GRIK2: variants seen among roughly 807,000 people sequenced by gnomAD.
GRIK2 encodes the protein glutamate ionotropic receptor kainate type subunit 2, also known as glutamate receptor ionotropic, kainate 2.
Under a neutral mutation model 100.3 loss-of-function variants are expected in GRIK2, and 32 were observed. That is an observed-to-expected ratio of 0.32 (90% confidence interval 0.24 to 0.43). The LOEUF (loss-of-function observed/expected upper bound fraction) is 0.43. GRIK2 is among the 20% of genes least tolerant of loss of function. GRIK2 has a pLI of 1.00. For synonymous variants in GRIK2, 417 were observed against 389.4 expected, an observed-to-expected ratio of 1.07 and a Z score of -0.83; for missense variants, 843 against 1,114.9, an observed-to-expected ratio of 0.76 and a Z score of 3.47.
chr6:101,877,646 A>G (rs1785950923), intron 11 of GRIK2, among the ~76,000 whole-genome samples: 1 of 151,996 alleles, frequency 6.6e-6, no homozygotes, highest in Admixed American at 6.6e-5. Flanking sequence ...TGAGTACAAA[A>G]TAAGTATTTG....
At chr6:101,408,045 G>T (rs563466968) in intron 2 of GRIK2, among the ~76,000 whole-genome samples, 1 of 152,082 alleles carries the variant, frequency 6.6e-6, no homozygotes, top group Non-Finnish European at 1.5e-5. Context: ...CACTGAAGGG[G>T]CATAGATAAG....
At chr6:101,525,735 A>G (rs1775118140) in intron 2 of GRIK2, among the ~76,000 whole-genome samples, 1 of 152,204 alleles carries the variant, frequency 6.6e-6, no homozygotes, top group Non-Finnish European at 1.5e-5. Context: ...TTCGCTGTGA[A>G]TTTCAAACAT....
intron 2 of GRIK2, among the ~76,000 whole-genome samples, chr6:101,529,794 G>A (rs1775336900): frequency 6.6e-6 from 1 of 152,084 alleles, no homozygotes; most frequent in Non-Finnish European, 1.5e-5. Context: ...AAGAAGGATG[G>A]AGATTATTTC....
intron 16 of GRIK2, among the ~76,000 whole-genome samples, chr6:102,057,111 G>T (rs1179103927): frequency 6.6e-6 from 1 of 151,908 alleles, no homozygotes; most frequent in East Asian, 1.9e-4. Flanking sequence ...TATCATTTCA[G>T]GTTTAATTTG....
intron 4 of GRIK2, among the ~76,000 whole-genome samples, chr6:101,654,078 T>C (rs1376057201): frequency 6.6e-6 from 1 of 152,212 alleles, no homozygotes; most frequent in African/African-American, 2.4e-5. Context: ...TAGGATAGCA[T>C]CTACTTCACA....
chr6:101,872,635 T>A (rs531526524), intron 11 of GRIK2, among the ~76,000 whole-genome samples: 1 of 151,952 alleles, frequency 6.6e-6, no homozygotes, highest in South Asian at 2.1e-4. Context: ...CTTTGTAGGT[T>A]CAAATGAGCA....
intron 14 of GRIK2, among the ~76,000 whole-genome samples, chr6:102,011,577 C>CTTTTTTTTTTTTTTTT (rs763369559): frequency 1.3e-5 from 1 of 76,650 alleles, no homozygotes; most frequent in African/African-American, 6.1e-5. Flanking sequence ...CTTTCTTTTC[C>CTTTTTTTTTTTTTTTT]TTTTTTTTTT....
chr6:101,538,546 T>A (rs1354574444), intron 2 of GRIK2, among the ~76,000 whole-genome samples: 22 of 151,662 alleles, frequency 1.5e-4, no homozygotes, highest in Admixed American at 1.5e-3. Context: ...CCTGAGCTCA[T>A]AATTAAGACT....
At position 101,490,084 on chromosome 6, in the gene GRIK2, A is replaced by G. The variant is rs149221352; in HGVS notation, c.115+90692A>G. ...AGTCTCATAAAAAGACACAGAGGAT[A>G]CAGCATGGTCTTTATTTACAACAAT... On this transcript the variant is annotated intron_variant, in intron 2 of 16. Coordinates refer to ENST00000369134, the MANE Select transcript of GRIK2 (RefSeq NM_021956.5). Among the ~76,000 whole-genome samples the G allele has an allele frequency of 2.1e-3, 306 of 146,622 alleles. 41 individuals are homozygous for G. The highest frequency in any genetic ancestry group is 7.6e-3 in the African/African-American group (295 of 38,644).
At chr6:101,903,931 T>A (rs1788047735) in intron 12 of GRIK2, among the ~76,000 whole-genome samples, 1 of 151,582 alleles carries the variant, frequency 6.6e-6, no homozygotes, top group Non-Finnish European at 1.5e-5. Flanking sequence ...TCAAATAAGG[T>A]CAGGAGAACT....
chr6:101,496,006 C>T (rs930456679), intron 2 of GRIK2, among the ~76,000 whole-genome samples: 3 of 152,026 alleles, frequency 2.0e-5, no homozygotes, highest in South Asian at 2.1e-4. Flanking sequence ...AGTGCAGTGG[C>T]GCTATGTTGG....
chr6:102,042,815 C>T (rs369837313), intron 15 of GRIK2, among the ~76,000 whole-genome samples: 6 of 151,720 alleles, frequency 4.0e-5, no homozygotes, highest in African/African-American at 9.6e-5. Flanking sequence ...TATTTTCATA[C>T]TTAGTGTCAG....
chr6:101,972,843 A>G (rs1352581442), intron 14 of GRIK2, among the ~76,000 whole-genome samples: 1 of 151,844 alleles, frequency 6.6e-6, no homozygotes, highest in African/African-American at 2.4e-5. Flanking sequence ...TTTGTTGAAG[A>G]TCAGATGGTT....
chr6:101,626,487 C>T lies in GRIK2; in HGVS notation c.391C>T (p.Gln131Ter). ...CAATGCTCTGGGAGTTCCCCACATACAGACCCGCTGGAAGCACCAGGTGTC... is the reference window on the plus strand; with the variant it reads ...CAATGCTCTGGGAGTTCCCCACATATAGACCCGCTGGAAGCACCAGGTGTC... ...ICNALGVPHI[Q>*]TRWKHQVSDN... The change falls in exon 4 of 17, where the codon CAG becomes TAG. Residue 131 changes from glutamine to a stop codon, truncating the protein, a stop_gained. Coordinates refer to ENST00000369134, the MANE Select transcript of GRIK2 (RefSeq NM_021956.5). LOFTEE classifies it high-confidence loss of function. 1 of 1,613,982 alleles carries T rather than the reference C, an allele frequency of 6.2e-7. No homozygotes were observed. Among genetic ancestry groups the T allele is most frequent in the Non-Finnish European group, 8.5e-7 (1 of 1,179,914 alleles).
At chr6:101,506,905 A>C (rs1274145189) in intron 2 of GRIK2, among the ~76,000 whole-genome samples, 1 of 152,240 alleles carries the variant, frequency 6.6e-6, no homozygotes, top group Middle Eastern at 3.4e-3. Flanking sequence ...GATTCACTGA[A>C]AACTCTGTTT....
intron 7 of GRIK2, among the ~76,000 whole-genome samples, chr6:101,694,567 T>A (rs1434793668): frequency 6.6e-6 from 1 of 152,052 alleles, no homozygotes; most frequent in East Asian, 1.9e-4. Context: ...AAATAAGAAA[T>A]CTTATTATTC....
At chr6:101,883,155 G>A (rs950711039) in intron 11 of GRIK2, among the ~76,000 whole-genome samples, 33 of 151,498 alleles carry the variant, frequency 2.2e-4, no homozygotes, top group African/African-American at 7.0e-4. Context: ...GTACAAGGAC[G>A]TTTTTATTAA....
At position 101,918,330 on chromosome 6, in the gene GRIK2, T is replaced by G. The variant is rs968669907; in HGVS notation, c.1749-6271T>G. 7.2e-5 allele frequency among the ~76,000 whole-genome samples: 11 copies of G among 151,788 alleles called. 1 individual carries two copies. The highest frequency in any genetic ancestry group is 2.1e-4 in the South Asian group (1 of 4,832). On this transcript the variant is annotated intron_variant, in intron 12 of 16. Transcript: ENST00000369134. ...TATATCACTAATTGGCTTAAAATTATATATGTTATAAAAATCATTTTTGTA... is the reference window on the plus strand; with the variant it reads ...TATATCACTAATTGGCTTAAAATTAGATATGTTATAAAAATCATTTTTGTA...
intron 10 of GRIK2, among the ~76,000 whole-genome samples, chr6:101,851,723 ATAAT>A (rs1784138349): frequency 6.6e-6 from 1 of 151,858 alleles, no homozygotes; most frequent in Non-Finnish European, 1.5e-5. Context: ...GCATTGTTCA[ATAAT>A]TAATACCATT....
Sources: allele counts gnomAD v4.1 joint callset (sites outside exome capture counted in the v4.1 genomes callset), GRCh38; gene constraint gnomAD v4.1.1; transcripts MANE v1.5; gene names NCBI Gene and HGNC (gene_info 2026-07-23, HGNC 2026-07-21).